VPS28: variants seen among roughly 807,000 people sequenced by gnomAD.
VPS28 encodes the protein VPS28 subunit of ESCRT-I.
VPS28 carries 29 observed loss-of-function variants against 33.7 expected under a neutral mutation model. The observed-to-expected ratio is 0.86, with a 90% CI of 0.64 to 1.17. The LOEUF (loss-of-function observed/expected upper bound fraction) is 1.17. Among genes scored for constraint, VPS28 ranks in the 50% most tolerant of loss-of-function variants. VPS28 has a pLI of 0.00. For missense variants in VPS28, 247 were observed against 312.2 expected (o/e 0.79, Z 1.57); for synonymous variants, 164 against 116.7 (o/e 1.40, Z -2.61).
rs1554876091 is a variant in VPS28 at position 144,424,279 on chromosome 8, G to T, written c.403-11C>A. 3.1e-6 allele frequency: 5 copies of T among 1,593,734 alleles called. No individual in the cohort carries two copies. Among genetic ancestry groups the T allele is most frequent in the Non-Finnish European group, 4.3e-6 (5 of 1,169,242 alleles). On this transcript the variant is annotated splice_polypyrimidine_tract_variant and intron_variant, in intron 7 of 9. Coordinates refer to ENST00000292510, the MANE Select transcript of VPS28 (RefSeq NM_016208.4). ...GACCGTGATGAAGAGCTGGGGGCAG[G>T]TGTGCACATGAGGCTCGCGTGTCCA... is the stretch of plus-strand genomic sequence containing the variant.
chr8:144,424,602 T>A, intron 7 of VPS28, 116 bp downstream of exon 7: 3 of 1,194,388 alleles, frequency 2.5e-6, no homozygotes, highest in Non-Finnish European at 3.6e-6. Context: ...GGTTCCCTTC[T>A]GCCCAGCAAG....
chr8:144,425,506 G>T, intron 5 of VPS28, 177 bp downstream of exon 5: 1 of 632,294 alleles, frequency 1.6e-6, no homozygotes, highest in Non-Finnish European at 2.7e-6. Flanking sequence ...GCCTCTGCCC[G>T]CCTCCCTCAC....
At chr8:144,428,120 G>C (rs1177608939) in intron 1 of VPS28, among the ~76,000 whole-genome samples, 1 of 152,108 alleles carries the variant, frequency 6.6e-6, no homozygotes, top group African/African-American at 2.4e-5. Flanking sequence ...TGTAGGTAGG[G>C]AACGTCTGGG....
intron 7 of VPS28, 160 bp from the exon 8 acceptor site, chr8:144,424,428 C>G: frequency 2.0e-6 from 2 of 1,005,430 alleles, no homozygotes; most frequent in South Asian, 3.4e-5. Context: ...GAGGTCCTGG[C>G]TGCCCAGACA....
chr8:144,425,161 G>A (rs1822647361), intron 5 of VPS28, 110 bp from the exon 6 acceptor site: 4 of 929,904 alleles, frequency 4.3e-6, no homozygotes, highest in Non-Finnish European at 5.0e-6. Flanking sequence ...CCAGGCGACA[G>A]GCAAAGGCAG....
Position 144,423,781 on chromosome 8 carries a change from T to C in VPS28, c.*24A>G, listed in dbSNP as rs781963698. 5 of 1,612,740 alleles carry C rather than the reference T, an allele frequency of 3.1e-6. No homozygotes were observed. The highest frequency in any genetic ancestry group is 1.3e-5 in the African/African-American group (1 of 74,948). On this transcript the variant is annotated 3_prime_UTR_variant, in exon 10 of 10. Transcript: ENST00000292510. ...GCCATCGCCTCAGACTCTGCCCTTCTGTGCAAGGGCTAGTGCCCCGGGCTC... is the reference window on the plus strand; with the variant it reads ...GCCATCGCCTCAGACTCTGCCCTTCCGTGCAAGGGCTAGTGCCCCGGGCTC...
intron 5 of VPS28, chr8:144,425,315 T>C (rs369533345): frequency 5.0e-5 from 29 of 576,116 alleles, no homozygotes; most frequent in African/African-American, 1.9e-4. Flanking sequence ...CCCTCTGTTG[T>C]GATGGCCGCA....
At chr8:144,427,487 G>A (rs1349927493) in intron 1 of VPS28, among the ~76,000 whole-genome samples, 4 of 152,150 alleles carry the variant, frequency 2.6e-5, no homozygotes, top group Non-Finnish European at 5.9e-5. Flanking sequence ...GGGGGCTGCA[G>A]TGGAGTGTGG....
Position 144,423,721 on chromosome 8 carries a change from T to C in VPS28, c.*84A>G. The C allele has an allele frequency of 6.4e-7, 1 of 1,552,276 alleles. No individual in the cohort carries two copies. ...AGCTGCAGACAGTGAGTTGTGTGGA[T>C]GACCACGGCCTGTGTGGCGGACAGG... is the stretch of plus-strand genomic sequence containing the variant. On this transcript the variant is annotated 3_prime_UTR_variant, in exon 10 of 10. Coordinates refer to ENST00000292510, the MANE Select transcript of VPS28 (RefSeq NM_016208.4).
chr8:144,426,811 G>A, intron 2 of VPS28, 98 bp downstream of exon 2: 1 of 1,392,038 alleles, frequency 7.2e-7, no homozygotes, highest in Non-Finnish European at 1.0e-6. Flanking sequence ...ACGAGAGCAG[G>A]GTCAGATACC....
intron 4 of VPS28, 63 bp downstream of exon 4, chr8:144,425,963 G>C: frequency 6.8e-7 from 1 of 1,469,122 alleles, no homozygotes; most frequent in Non-Finnish European, 9.1e-7. Context: ...GGTCTGGAGG[G>C]GCTGCCCCAG....
At chr8:144,427,458 A>T (rs1471304699) in intron 1 of VPS28, among the ~76,000 whole-genome samples, 1 of 152,132 alleles carries the variant, frequency 6.6e-6, no homozygotes, top group Non-Finnish European at 1.5e-5. Context: ...GGTACTATGG[A>T]CACTCAGGAG....
chr8:144,424,398 T>C (rs2928377), intron 7 of VPS28, 130 bp from the exon 8 acceptor site: 1 of 1,252,130 alleles, frequency 8.0e-7, no homozygotes, highest in Non-Finnish European at 1.1e-6. Flanking sequence ...TCCCAAACCC[T>C]GCAGGCCTCC....
At position 144,423,707 on chromosome 8, in the gene VPS28, G is replaced by A. The variant is rs1414365286; in HGVS notation, c.*98C>T. ...GACACCAGACAGGCAGCTGCAGACA[G>A]TGAGTTGTGTGGATGACCACGGCCT... is the stretch of plus-strand genomic sequence containing the variant. On this transcript the variant is annotated 3_prime_UTR_variant, in exon 10 of 10. Transcript: ENST00000292510. 2.7e-6 allele frequency: 4 copies of A among 1,470,106 alleles called. No homozygotes were observed. The highest frequency in any genetic ancestry group is 2.0e-4 in the Middle Eastern group (1 of 4,972). The allele number at this position is 1,470,106 out of a possible 1,614,324, so 91.1% of individuals were successfully genotyped here. A position where few individuals can be genotyped will look rare whatever the true frequency, so the allele number is the denominator to read the frequency against.
rs781803611 is a variant in VPS28 at position 144,424,958 on chromosome 8, G to A, written c.288C>T (p.Cys96=). ...ACCAGGCACTCACGCGGAACTTGCG[G>A]CAGAATTCGTCAATAGAGCTGATTT... ...GSEISSIDEF[C]RKFRLDCPLA... The change falls in exon 6 of 10, where the codon TGC becomes TGT. Residue 96 remains cysteine, a synonymous_variant. Transcript: ENST00000292510. The A allele has an allele frequency of 2.5e-6, 4 of 1,573,112 alleles. No homozygotes were observed. The highest frequency in any genetic ancestry group is 1.9e-5 in the Admixed American group (1 of 52,768).
In VPS28 at chr8:144,424,815, T is replaced by TCCAGC. The variant is rs1554876253; in HGVS notation, c.301-1_304dup (p.Asp102GlyfsTer61). The TCCAGC allele has an allele frequency of 6.2e-7, 1 of 1,613,718 alleles. No homozygotes were observed. The highest frequency in any genetic ancestry group is 8.5e-7 in the Non-Finnish European group (1 of 1,180,004). ...GATCCGCTCCATGGCCAGCGGGCAG[T>TCCAGC]CCAGCTGTTGGGGGTGACATGGGTG... On this transcript the variant is annotated frameshift_variant, in exon 7 of 10. Coordinates refer to ENST00000292510, the MANE Select transcript of VPS28 (RefSeq NM_016208.4). LOFTEE classifies it high-confidence loss of function.
At chr8:144,427,617 C>T (rs1487531614) in intron 1 of VPS28, among the ~76,000 whole-genome samples, 1 of 152,154 alleles carries the variant, frequency 6.6e-6, no homozygotes, top group African/African-American at 2.4e-5. Flanking sequence ...TAGGCATGAA[C>T]TTGGAGGAAC....
chr8:144,427,563 G>A (rs1822862799), intron 1 of VPS28, among the ~76,000 whole-genome samples: 1 of 152,124 alleles, frequency 6.6e-6, no homozygotes, highest in African/African-American at 2.4e-5. Context: ...CACGAGGAGA[G>A]TTTGGGGCAC....
chr8:144,423,849 G>A lies in VPS28; in HGVS notation c.622C>T (p.Leu208=), dbSNP rs1294748592. ...DSQVRQMLFD[L]ESAYNAFNRF... ...TTGAAGGCGTTGTAGGCTGACTCCA[G>A]GTCGAACAGCATCTGACGCACCTGT... The change falls in exon 10 of 10, where the codon CTG becomes TTG. Residue 208 remains leucine, a synonymous_variant. Transcript: ENST00000292510. The A allele has an allele frequency of 2.5e-6, 4 of 1,613,162 alleles. No homozygotes were observed. The highest frequency in any genetic ancestry group is 3.4e-6 in the Non-Finnish European group (4 of 1,180,046).
Sources: allele counts gnomAD v4.1 joint callset (sites outside exome capture counted in the v4.1 genomes callset), GRCh38; gene constraint gnomAD v4.1.1; transcripts MANE v1.5; gene names NCBI Gene and HGNC (gene_info 2026-07-23, HGNC 2026-07-21).